Variants in NRG3 observed in about 807,000 individuals in gnomAD.
The protein encoded by NRG3 is neuregulin 3.
Under a neutral mutation model 66.9 loss-of-function variants are expected in NRG3, and 31 were observed. That is an observed-to-expected ratio of 0.46 (90% CI 0.35 to 0.63). The LOEUF (loss-of-function observed/expected upper bound fraction) is 0.63, where lower values mean the gene tolerates loss of function less well. Among genes scored for constraint, NRG3 ranks in the 20% least tolerant of loss-of-function variants. The pLI, the probability that NRG3 is intolerant of heterozygous loss-of-function variation, is 0.00. For missense variants in NRG3, 910 were observed against 878.9 expected (o/e 1.04, Z -0.45); for synonymous variants, 393 against 359.4 (o/e 1.09, Z -1.06).
intron 1 of NRG3, among the ~76,000 whole-genome samples, chr10:82,150,062 G>T (rs2070590019): frequency 1.3e-5 from 2 of 151,996 alleles, no homozygotes; most frequent in South Asian, 4.1e-4. Context: ...ACTCCCTGCT[G>T]TTCCCATCAA....
At chr10:81,980,637 T>C (rs920947339) in intron 1 of NRG3, among the ~76,000 whole-genome samples, 4 of 152,238 alleles carry the variant, frequency 2.6e-5, no homozygotes, top group African/African-American at 9.6e-5. Flanking sequence ...TTTCATTTGC[T>C]AGCTCGAGTG....
intron 4 of NRG3, among the ~76,000 whole-genome samples, chr10:82,915,916 A>G (rs1923567): frequency 0.3 from 45,281 of 152,094 alleles, 7,080 homozygotes; most frequent in East Asian, 0.53. Flanking sequence ...TTTCTGAAAT[A>G]AAGACATTTA....
intron 1 of NRG3, among the ~76,000 whole-genome samples, chr10:81,948,193 G>A (rs931225091): frequency 2.0e-5 from 3 of 152,076 alleles, no homozygotes; most frequent in Non-Finnish European, 2.9e-5. Flanking sequence ...GTGTTAAAAC[G>A]CTTATTTTTT....
chr10:82,184,213 A>T (rs1239659430), intron 1 of NRG3, among the ~76,000 whole-genome samples: 4 of 152,124 alleles, frequency 2.6e-5, no homozygotes, highest in Non-Finnish European at 5.9e-5. Context: ...TGACATTTGC[A>T]CCGATAGTAT....
At chr10:82,604,755 C>A (rs535401587) in intron 2 of NRG3, among the ~76,000 whole-genome samples, 13 of 152,224 alleles carry the variant, frequency 8.5e-5, no homozygotes, top group African/African-American at 3.1e-4. Flanking sequence ...AAATTATAGT[C>A]TTTTCAAAAA....
chr10:81,971,775 G>C (rs2059942705), intron 1 of NRG3, among the ~76,000 whole-genome samples: 1 of 152,164 alleles, frequency 6.6e-6, no homozygotes, highest in Non-Finnish European at 1.5e-5. Context: ...GGGAGACCAT[G>C]GTGGCTAGAA....
intron 1 of NRG3, among the ~76,000 whole-genome samples, chr10:82,197,142 T>A (rs1309996886): frequency 6.6e-6 from 1 of 152,176 alleles, no homozygotes; most frequent in Non-Finnish European, 1.5e-5. Flanking sequence ...AGCAACCAAC[T>A]GGCCCTCACA....
At chr10:82,280,465 A>G (rs2079068108) in intron 1 of NRG3, among the ~76,000 whole-genome samples, 1 of 152,210 alleles carries the variant, frequency 6.6e-6, no homozygotes, top group Admixed American at 6.5e-5. Context: ...TATACCCTAC[A>G]GTAATCACTG....
chr10:82,220,010 C>T (rs1649948), intron 1 of NRG3, among the ~76,000 whole-genome samples: 151,034 of 152,064 alleles, frequency 0.99, 75,012 homozygotes, highest in Middle Eastern at 1. Flanking sequence ...ATACAGATCA[C>T]TGCAAGAAAA....
chr10:82,249,070 A>G (rs1194911717), intron 1 of NRG3, among the ~76,000 whole-genome samples: 1 of 152,206 alleles, frequency 6.6e-6, no homozygotes, highest in Non-Finnish European at 1.5e-5. Flanking sequence ...CTCTATGATC[A>G]AGCATAAGTC....
At chr10:82,456,824 G>A (rs995123675) in intron 2 of NRG3, among the ~76,000 whole-genome samples, 4 of 152,152 alleles carry the variant, frequency 2.6e-5, no homozygotes, top group Admixed American at 1.3e-4. Context: ...CCTGACACTC[G>A]GCCTGCCCCA....
intron 1 of NRG3, among the ~76,000 whole-genome samples, chr10:82,092,382 C>CCACA (rs144173495): frequency 1.3e-5 from 2 of 151,468 alleles, no homozygotes; most frequent in African/African-American, 2.4e-5. Flanking sequence ...TCAACTGAAC[C>CCACA]CACACACACA....
intron 4 of NRG3, among the ~76,000 whole-genome samples, chr10:82,921,816 G>T (rs1399593510): frequency 6.6e-6 from 1 of 152,064 alleles, no homozygotes; most frequent in African/African-American, 2.4e-5. Flanking sequence ...AATTATTTCA[G>T]CTTTAGAGAA....
intron 7 of NRG3, among the ~76,000 whole-genome samples, chr10:82,978,272 C>T (rs1344702194): frequency 1.3e-5 from 2 of 152,036 alleles, no homozygotes; most frequent in Non-Finnish European, 2.9e-5. Flanking sequence ...GTGGTATAAC[C>T]CACTTACATG....
intron 3 of NRG3, among the ~76,000 whole-genome samples, chr10:82,789,912 G>A (rs1231017030): frequency 6.6e-6 from 1 of 151,756 alleles, no homozygotes; most frequent in Admixed American, 6.6e-5. Flanking sequence ...AACAATGTAG[G>A]AATTCAATAA....
chr10:82,885,908 A>G (rs923696238), intron 4 of NRG3, among the ~76,000 whole-genome samples: 4 of 149,900 alleles, frequency 2.7e-5, no homozygotes, highest in Admixed American at 6.7e-5. Flanking sequence ...GTCTCACTCT[A>G]TTGCCCAGGC....
At chr10:81,964,796 T>G (rs896728427) in intron 1 of NRG3, among the ~76,000 whole-genome samples, 1 of 152,182 alleles carries the variant, frequency 6.6e-6, no homozygotes, top group Non-Finnish European at 1.5e-5. Flanking sequence ...AACAGATATA[T>G]CCAGTTGTTG....
chr10:82,479,229 T>G (rs2132125547), intron 2 of NRG3, among the ~76,000 whole-genome samples: 1 of 152,274 alleles, frequency 6.6e-6, no homozygotes, highest in East Asian at 1.9e-4. Flanking sequence ...GATCCTCAAT[T>G]TCTTTGTCTG....
chr10:82,864,962 G>C (rs1840564463), intron 3 of NRG3, among the ~76,000 whole-genome samples: 1 of 152,104 alleles, frequency 6.6e-6, no homozygotes, highest in Admixed American at 6.6e-5. Flanking sequence ...CCTGATTAGG[G>C]CCTGGCATGC....
Sources: allele counts gnomAD v4.1 joint callset (sites outside exome capture counted in the v4.1 genomes callset), GRCh38; gene constraint gnomAD v4.1.1; transcripts MANE v1.5; gene names NCBI Gene and HGNC (gene_info 2026-07-23, HGNC 2026-07-21).